Variants in PANK3 observed in about 807,000 individuals in gnomAD.
PANK3 encodes the protein hPanK3.
A neutral mutation model predicts 39.4 loss-of-function variants in PANK3; 20 were observed. The ratio of observed to expected loss-of-function variants is 0.51; its 90% CI spans 0.36 to 0.74. The LOEUF is 0.74. Ranked by LOEUF, PANK3 falls within the 30% of genes least tolerant of loss-of-function variation. The pLI, the probability that PANK3 is intolerant of heterozygous loss-of-function variation, is 0.00. For synonymous variants in PANK3, 140 were observed against 157.3 expected, an observed-to-expected ratio of 0.89 and a Z score of 0.82; for missense variants, 265 against 437.0, an observed-to-expected ratio of 0.61 and a Z score of 3.51.
At chr5:168,558,153 C>CTTTTT (rs767440372) in intron 6 of PANK3, among the ~76,000 whole-genome samples, 5 of 115,284 alleles carry the variant, frequency 4.3e-5, no homozygotes, top group South Asian at 2.7e-4. Flanking sequence ...GACATGGAAG[C>CTTTTT]TTTTTTTTTT....
At chr5:168,574,443 T>C (rs1302631133) in intron 1 of PANK3, among the ~76,000 whole-genome samples, 4 of 152,202 alleles carry the variant, frequency 2.6e-5, no homozygotes, top group Admixed American at 1.3e-4. Context: ...GATTGATATA[T>C]GTCACCAAAA....
In PANK3 at chr5:168,552,929, G is replaced by T; in HGVS notation, c.*4642C>A. On this transcript the variant is annotated 3_prime_UTR_variant, in exon 7 of 7. Coordinates refer to ENST00000239231, the MANE Select transcript of PANK3 (RefSeq NM_024594.4). ...TGGAGCATGATGGAAATGACAGTGG[G>T]TTGTTGGTAGCTGGGTACTCTAAAG... is the stretch of plus-strand genomic sequence containing the variant. 4.7e-6 allele frequency: 1 copy of T among 214,440 alleles called. No individual in the cohort carries two copies. The allele number at this position is 214,440 out of a possible 1,614,324, so 13.3% of individuals were successfully genotyped here.
rs2113098518 is a variant in PANK3, at chr5:168,553,804, C to A, written c.*3767G>T. On this transcript the variant is annotated 3_prime_UTR_variant, in exon 7 of 7. Transcript: ENST00000239231. Reference sequence around the variant, plus strand: ...GCAAGTTTTCAGGTCCTCAGTAATGCTATAAAACTCACTCATCATTACAGC... The same window carrying A: ...GCAAGTTTTCAGGTCCTCAGTAATGATATAAAACTCACTCATCATTACAGC... 1 of 153,578 alleles carries A rather than the reference C, an allele frequency of 6.5e-6. No individual in the cohort carries two copies. The highest frequency in any genetic ancestry group is 6.5e-5 in the Admixed American group (1 of 15,476). The allele number at this position is 153,578 out of a possible 1,614,324, so 9.5% of individuals were successfully genotyped here.
intron 3 of PANK3, 61 bp from the exon 4 acceptor site, chr5:168,564,126 A>G: frequency 7.3e-7 from 1 of 1,363,340 alleles, no homozygotes. Flanking sequence ...TCTCTAAAGT[A>G]AAAGGGTGGA....
Position 168,552,665 on chromosome 5 carries a change from C to T in PANK3, c.*4906G>A, listed in dbSNP as rs143486368. The T allele has an allele frequency of 1.6e-4, 34 of 217,798 alleles. No homozygotes were observed. In the East Asian group the frequency reaches 3.8e-3, roughly 24 times the overall value. 13.5% of individuals were successfully genotyped at this position (217,798 alleles called of 1,614,324 possible). On this transcript the variant is annotated 3_prime_UTR_variant, in exon 7 of 7. Coordinates refer to ENST00000239231, the MANE Select transcript of PANK3 (RefSeq NM_024594.4). ...TACAGACAAAGCTCATCCCACCATA[C>T]TCATCCTTTAATAACAAAGAAACAA...
At chr5:168,573,851 C>G (rs1232629185) in intron 1 of PANK3, among the ~76,000 whole-genome samples, 1 of 152,084 alleles carries the variant, frequency 6.6e-6, no homozygotes, top group Non-Finnish European at 1.5e-5. Flanking sequence ...ATGAACTCAT[C>G]CTTTTTTATG....
intron 3 of PANK3, among the ~76,000 whole-genome samples, chr5:168,565,572 A>C (rs1014242698): frequency 4.6e-5 from 7 of 152,126 alleles, no homozygotes; most frequent in African/African-American, 1.7e-4. Flanking sequence ...GTTGCTTCCA[A>C]GTAAATGCTC....
At chr5:168,562,568 A>G (rs560696507) in intron 4 of PANK3, among the ~76,000 whole-genome samples, 1 of 152,316 alleles carries the variant, frequency 6.6e-6, no homozygotes, top group East Asian at 1.9e-4. Flanking sequence ...ATGGTTAGGA[A>G]GCATAATGGG....
Position 168,551,781 on chromosome 5 carries a change from C to T in PANK3, c.*5790G>A, listed in dbSNP as rs1039406058. ...ACACTCAAAGGTAAAAGAAAAAAAA[C>T]CTCAGAAATTTTTATAGAGTCTAAT... On this transcript the variant is annotated 3_prime_UTR_variant, in exon 7 of 7. Transcript: ENST00000239231. 3 of 152,038 alleles carry T rather than the reference C, an allele frequency of 2.0e-5. No homozygotes were observed. Among genetic ancestry groups the T allele is most frequent in the African/African-American group, 7.2e-5 (3 of 41,402 alleles). 9.4% of individuals were successfully genotyped at this position (152,038 alleles called of 1,614,324 possible).
intron 6 of PANK3, among the ~76,000 whole-genome samples, chr5:168,558,647 G>A (rs1022867806): frequency 6.6e-6 from 1 of 152,050 alleles, no homozygotes; most frequent in Non-Finnish European, 1.5e-5. Context: ...AAAATCTGGG[G>A]GTGCCTAACA....
chr5:168,567,623 T>A (rs1254363471), intron 2 of PANK3, among the ~76,000 whole-genome samples: 8 of 152,090 alleles, frequency 5.3e-5, no homozygotes, highest in Non-Finnish European at 1.2e-4. Flanking sequence ...ATTTAAGTTA[T>A]TTATATTCCT....
At chr5:168,566,377 T>C in intron 2 of PANK3, 111 bp from the exon 3 acceptor site, 2 of 1,202,234 alleles carry the variant, frequency 1.7e-6, no homozygotes, top group Non-Finnish European at 2.3e-6. Context: ...GACCCCCACA[T>C]TTTCATTTTG....
intron 1 of PANK3, among the ~76,000 whole-genome samples, chr5:168,571,694 C>CATATA: frequency 6.6e-6 from 1 of 152,230 alleles, no homozygotes; most frequent in East Asian, 1.9e-4. Context: ...AAACCAGGAA[C>CATATA]ATATAATTCA....
chr5:168,566,309 A>G, intron 2 of PANK3, 43 bp from the exon 3 acceptor site: 1 of 1,546,158 alleles, frequency 6.5e-7, no homozygotes, highest in Non-Finnish European at 8.7e-7. Context: ...ATGACATTCA[A>G]AAACACTCAA....
chr5:168,562,243 G>C (rs973511156), intron 4 of PANK3, among the ~76,000 whole-genome samples: 3 of 151,946 alleles, frequency 2.0e-5, no homozygotes, highest in African/African-American at 7.3e-5. Flanking sequence ...GCTAACCTTG[G>C]AAATACAAAC....
intron 6 of PANK3, 116 bp from the exon 7 acceptor site, chr5:168,557,737 C>G (rs923350013): frequency 7.5e-6 from 6 of 802,564 alleles, no homozygotes; most frequent in Non-Finnish European, 7.6e-6. Flanking sequence ...ATTTGGAAAC[C>G]TACCAATTTC....
At chr5:168,564,696 A>C (rs112258981) in intron 3 of PANK3, among the ~76,000 whole-genome samples, 1 of 152,172 alleles carries the variant, frequency 6.6e-6, no homozygotes, top group African/African-American at 2.4e-5. Context: ...TTGGCCTCCC[A>C]AAGTGTTAGA....
At chr5:168,570,706 A>G (rs1561842615) in intron 1 of PANK3, among the ~76,000 whole-genome samples, 1 of 152,220 alleles carries the variant, frequency 6.6e-6, no homozygotes, top group African/African-American at 2.4e-5. Flanking sequence ...AAGGAAATAG[A>G]TGAAGGACCT....
At chr5:168,575,976 A>G (rs1759725397) in intron 1 of PANK3, among the ~76,000 whole-genome samples, 1 of 152,168 alleles carries the variant, frequency 6.6e-6, no homozygotes, top group African/African-American at 2.4e-5. Context: ...TTCCTGGATA[A>G]GACATTTCAC....
Sources: gnomAD v4.1 joint callset for allele counts (sites outside exome capture counted in the v4.1 genomes callset) on GRCh38, gnomAD v4.1.1 for gene constraint, MANE v1.5 for transcripts, NCBI Gene and HGNC (gene_info 2026-07-23, HGNC 2026-07-21) for gene names.